Variants in MGMT observed in about 807,000 individuals in gnomAD.
The protein encoded by MGMT is O-6-methylguanine-DNA methyltransferase, also known as methylated-DNA--protein-cysteine methyltransferase.
In MGMT, 14 loss-of-function variants were observed where a neutral mutation model predicts 15.9. The ratio of observed to expected loss-of-function variants is 0.88; its 90% CI spans 0.58 to 1.37. The LOEUF is 1.37. MGMT is among the 40% of genes most tolerant of loss of function. The pLI is 0.00. For synonymous variants in MGMT, 130 were observed against 118.2 expected, an observed-to-expected ratio of 1.10 and a Z score of -0.65; for missense variants, 282 against 268.1, an observed-to-expected ratio of 1.05 and a Z score of -0.36.
rs529575984 is a variant in MGMT at position 129,769,715 on chromosome 10, C to A, written c.*2718C>A. Among the ~76,000 whole-genome samples, 139 of 152,290 alleles carry A rather than the reference C, an allele frequency of 9.1e-4. No homozygotes were observed. Among genetic ancestry groups the A allele is most frequent in the African/African-American group, 2.9e-3 (119 of 41,558 alleles). On this transcript the variant is annotated 3_prime_UTR_variant, in exon 5 of 5. Coordinates refer to ENST00000651593, the MANE Select transcript of MGMT (RefSeq NM_002412.5). ...GTTGTCCTTCTCCCAGTCTCTCTTCCCGCTGGGAACAGAAGTGTCCAGTAA... is the reference window on the plus strand; with the variant it reads ...GTTGTCCTTCTCCCAGTCTCTCTTCACGCTGGGAACAGAAGTGTCCAGTAA...
chr10:129,527,889 T>TCCAGCG (rs1845888201), intron 1 of MGMT, among the ~76,000 whole-genome samples: 1 of 152,034 alleles, frequency 6.6e-6, no homozygotes, highest in Non-Finnish European at 1.5e-5. Context: ...CTGTGCTGCT[T>TCCAGCG]CCAGCGCCAG....
chr10:129,767,277 G>A lies in MGMT; in HGVS notation c.*280G>A, dbSNP rs1213723707. 1 of 297,744 alleles carries A rather than the reference G, an allele frequency of 3.4e-6. No individual in the cohort carries two copies. Among genetic ancestry groups the A allele is most frequent in the South Asian group, 5.4e-5 (1 of 18,520 alleles). 18.4% of individuals were successfully genotyped at this position (297,744 alleles called of 1,614,324 possible). ...CTGGCTCATGTTGGGCCACAGCCCA[G>A]GATGGGGCAGTCTGGCACCCTCAGG... On this transcript the variant is annotated 3_prime_UTR_variant, in exon 5 of 5. Transcript: ENST00000651593.
rs1848987055 is a variant in MGMT at position 129,770,374 on chromosome 10, C to T, written c.*3377C>T. 6.6e-6 allele frequency among the ~76,000 whole-genome samples: 1 copy of T among 152,326 alleles called. No homozygotes were observed. Among genetic ancestry groups the T allele is most frequent in the South Asian group, 2.1e-4 (1 of 4,834 alleles). On this transcript the variant is annotated 3_prime_UTR_variant, in exon 5 of 5. Coordinates refer to ENST00000651593, the MANE Select transcript of MGMT (RefSeq NM_002412.5). ...GGGAGTAGCTGGTCAGTGAGATTCT[C>T]GCAGCAATGTGAGGCATCCTCCTCA...
intron 2 of MGMT, among the ~76,000 whole-genome samples, chr10:129,598,377 CTT>C (rs1846777568): frequency 6.6e-6 from 1 of 152,130 alleles, no homozygotes. Context: ...GTGCCAATCT[CTT>C]AGCGTAGGTG....
intron 2 of MGMT, among the ~76,000 whole-genome samples, chr10:129,594,239 A>C (rs971495970): frequency 2.6e-5 from 4 of 152,164 alleles, no homozygotes; most frequent in African/African-American, 9.6e-5. Context: ...TTCCTTTTGC[A>C]TAAGAAGTCT....
At position 129,486,177 on chromosome 10, in the gene MGMT, CTTTTTTTTTT is replaced by C. The variant is rs33985155; in HGVS notation, c.-13+18891_-13+18900del. Among the ~76,000 whole-genome samples the C allele has an allele frequency of 8.8e-5, 10 of 113,286 alleles. 1 individual carries two copies. The highest frequency in any genetic ancestry group is 3.6e-4 in the African/African-American group (10 of 27,924). 74.3% of individuals were successfully genotyped at this position (113,286 alleles called of 152,430 possible). A position where few individuals can be genotyped will look rare whatever the true frequency, so the allele number is the denominator to read the frequency against. On this transcript the variant is annotated intron_variant, in intron 1 of 4. Coordinates refer to ENST00000651593, the MANE Select transcript of MGMT (RefSeq NM_002412.5). The stretch of plus-strand genomic sequence containing the variant: ...GTTCTTCTCTGTTCTCTTCTCTTCT[CTTTTTTTTTT>C]TTTTTTTTTGGTGGGGGGTAGACAG...
In MGMT at chr10:129,536,192, G is replaced by T; in HGVS notation, c.-12-49G>T. 2.5e-6 allele frequency: 4 copies of T among 1,595,616 alleles called. No individual in the cohort carries two copies. In the South Asian group the frequency reaches 3.4e-5, roughly 14 times the overall value. On this transcript the variant is annotated intron_variant, in intron 1 of 4. Coordinates refer to ENST00000651593, the MANE Select transcript of MGMT (RefSeq NM_002412.5). ...TACTTCTGTTGTGTGTTTTATATACGACCAGCCTCTTACCTATACACTTTG... is the reference window on the plus strand; with the variant it reads ...TACTTCTGTTGTGTGTTTTATATACTACCAGCCTCTTACCTATACACTTTG...
intron 2 of MGMT, among the ~76,000 whole-genome samples, chr10:129,638,118 T>C (rs1040537526): frequency 4.6e-5 from 7 of 152,170 alleles, no homozygotes; most frequent in African/African-American, 1.4e-4. Flanking sequence ...ATTCCTGCTT[T>C]ATGTACTTCA....
chr10:129,627,893 TC>T (rs1847169026), intron 2 of MGMT, among the ~76,000 whole-genome samples: 1 of 152,214 alleles, frequency 6.6e-6, no homozygotes, highest in Non-Finnish European at 1.5e-5. Flanking sequence ...TAAATTATAT[TC>T]CTGCTTTATT....
At chr10:129,675,488 A>G (rs182764288) in intron 2 of MGMT, among the ~76,000 whole-genome samples, 2 of 152,312 alleles carry the variant, frequency 1.3e-5, no homozygotes, top group East Asian at 1.9e-4. Context: ...AGAGGAGGAT[A>G]AGGCAGGCGT....
intron 2 of MGMT, among the ~76,000 whole-genome samples, chr10:129,592,972 C>A (rs1846705938): frequency 6.6e-6 from 1 of 152,150 alleles, no homozygotes; most frequent in Non-Finnish European, 1.5e-5. Flanking sequence ...TCTTTAGAGT[C>A]CTCATGATGC....
Position 129,600,427 on chromosome 10 carries a change from G to T in MGMT, c.125+64050G>T, listed in dbSNP as rs138480451. Among the ~76,000 whole-genome samples the T allele has an allele frequency of 2.2e-3, 334 of 152,256 alleles. 1 individual carries two copies. The highest frequency in any genetic ancestry group is 7.6e-3 in the African/African-American group (317 of 41,544). On this transcript the variant is annotated intron_variant, in intron 2 of 4. Coordinates refer to ENST00000651593, the MANE Select transcript of MGMT (RefSeq NM_002412.5). ...TCACATCTTTATAGGAGAATGTTTG[G>T]GGAATGCATTCAGCAGTCACCCATT...
Position 129,532,297 on chromosome 10 carries a change from C to G in MGMT, c.-12-3944C>G, listed in dbSNP as rs964154378. On this transcript the variant is annotated intron_variant, in intron 1 of 4. Coordinates refer to ENST00000651593, the MANE Select transcript of MGMT (RefSeq NM_002412.5). This position sits in a 1 kb window ranked among gnomAD's most constrained non-coding sequence, Gnocchi z 5.3. ...GGGTCCTTGGGCATTTCCTGGGTGG[C>G]GGTGCTCTCTGGGGTGCAGAGTTGG... Among the ~76,000 whole-genome samples the G allele has an allele frequency of 6.6e-6, 1 of 152,186 alleles. No homozygotes were observed. The highest frequency in any genetic ancestry group is 2.4e-5 in the African/African-American group (1 of 41,442).
Position 129,620,991 on chromosome 10 carries a change from A to G in MGMT, c.125+84614A>G, listed in dbSNP as rs926385873. ...TGTTTAGTACAGTACTTTTTGTTAG[A>G]AATTCCAGAAATGATGGAATGCGCT... On this transcript the variant is annotated intron_variant, in intron 2 of 4. Transcript: ENST00000651593. Among the ~76,000 whole-genome samples the G allele has an allele frequency of 1.1e-4, 17 of 152,272 alleles. No homozygotes were observed. In the East Asian group the frequency reaches 1.7e-3, roughly 16 times the overall value.
At position 129,730,246 on chromosome 10, in the gene MGMT, C is replaced by T. The variant is rs1391351127; in HGVS notation, c.274+22203C>T. 2.6e-5 allele frequency among the ~76,000 whole-genome samples: 4 copies of T among 152,152 alleles called. No individual in the cohort carries two copies. In the East Asian group the frequency reaches 7.7e-4, roughly 29 times the overall value. On this transcript the variant is annotated intron_variant, in intron 3 of 4. Transcript: ENST00000651593. The stretch of plus-strand genomic sequence containing the variant: ...TGAAATGGCGTGGAGCTGAAACTCA[C>T]TACCAACTGCAGTGAAACCAACAAA...
intron 2 of MGMT, among the ~76,000 whole-genome samples, chr10:129,630,584 C>T (rs1847198762): frequency 6.6e-6 from 1 of 152,164 alleles, no homozygotes; most frequent in Non-Finnish European, 1.5e-5. Flanking sequence ...ACCCTATTGC[C>T]TTTACTTTGT....
chr10:129,730,558 G>A (rs114344607), intron 3 of MGMT, among the ~76,000 whole-genome samples: 2,747 of 152,280 alleles, frequency 0.018, 87 homozygotes, highest in African/African-American at 0.061. Flanking sequence ...CAGAGCAGAC[G>A]CGAGGTTTGC....
At chr10:129,549,610 T>G (rs1056661210) in intron 2 of MGMT, among the ~76,000 whole-genome samples, 3 of 152,188 alleles carry the variant, frequency 2.0e-5, no homozygotes, top group Admixed American at 6.5e-5. Context: ...TTTGACAAAT[T>G]GTGTCCAAGC....
chr10:129,708,072 C>G, intron 3 of MGMT, 29 bp downstream of exon 3: 5 of 1,591,516 alleles, frequency 3.1e-6, no homozygotes, highest in Non-Finnish European at 4.3e-6. Context: ...TGCGGTGTTT[C>G]CTTTGGGGAG....
Sources: allele counts gnomAD v4.1 joint callset (sites outside exome capture counted in the v4.1 genomes callset), GRCh38; gene constraint gnomAD v4.1.1; non-coding constraint Gnocchi (gnomAD v3.1); transcripts MANE v1.5; gene names NCBI Gene and HGNC (gene_info 2026-07-23, HGNC 2026-07-21).